UGT1A6: variants seen among roughly 807,000 people sequenced by gnomAD.
UGT1A6 encodes UDP-glucuronosyltransferase 1A6.
UGT1A6 carries 32 observed loss-of-function variants against 44.4 expected under a neutral mutation model. The observed-to-expected ratio is 0.72, with a 90% CI of 0.54 to 0.97. The LOEUF (loss-of-function observed/expected upper bound fraction) is 0.97. UGT1A6 is among the 50% of genes least tolerant of loss of function. The pLI, the probability that UGT1A6 is intolerant of heterozygous loss-of-function variation, is 0.00. For missense variants in UGT1A6, 685 were observed against 661.9 expected, an observed-to-expected ratio of 1.03 and a Z score of -0.38; for synonymous variants, 238 against 248.5, an observed-to-expected ratio of 0.96 and a Z score of 0.40.
chr2:233,754,105 C>T (rs1695394703), intron 1 of UGT1A6, among the ~76,000 whole-genome samples: 1 of 152,196 alleles, frequency 6.6e-6, no homozygotes, highest in South Asian at 2.1e-4. Context: ...TCAACTCTTC[C>T]TACATCACGA....
intron 1 of UGT1A6, among the ~76,000 whole-genome samples, chr2:233,750,910 G>A (rs1371262201): frequency 6.6e-6 from 1 of 151,884 alleles, no homozygotes; most frequent in African/African-American, 2.4e-5. Flanking sequence ...GCTAGAGAAG[G>A]GTGGTAAAGA....
rs563417082 is a variant in UGT1A6, at chr2:233,769,495, G to C, written c.1301+1056G>C. ...TGTGTGTGTGCGTGTGTTTATGAGA[G>C]TGTCCATTGCTTTCTCCCATGGTTA... is the stretch of plus-strand genomic sequence containing the variant. On this transcript the variant is annotated intron_variant, in intron 4 of 4. Transcript: ENST00000305139. The surrounding 1 kb of genome is among the most constrained non-coding windows in gnomAD (Gnocchi z 4.4). 1.4e-5 allele frequency: 23 copies of C among 1,612,758 alleles called. No individual in the cohort carries two copies. The South Asian group carries it at 2.2e-4, about 15-fold the overall frequency.
At position 233,767,086 on chromosome 2, in the gene UGT1A6, C is replaced by A. The variant is rs1169717734; in HGVS notation, c.914C>A (p.Ser305Tyr). 2 of 1,614,008 alleles carry A rather than the reference C, an allele frequency of 1.2e-6. No individual in the cohort carries two copies. Among genetic ancestry groups the A allele is most frequent in the Non-Finnish European group, 1.7e-6 (2 of 1,180,008 alleles). Residue 305 changes from serine (S) to tyrosine (Y), a missense_variant, in exon 2 of 5, where the codon TCT becomes TAT. Coordinates refer to ENST00000305139, the MANE Select transcript of UGT1A6 (RefSeq NM_001072.4). ...ASGEHGIVVF[S>Y]LGSMVSEIPE... ...GGAGAACATGGAATTGTGGTTTTCT[C>A]TTTGGGATCAATGGTCTCAGAAATT...
At chr2:233,751,192 T>A (rs984172323) in intron 1 of UGT1A6, among the ~76,000 whole-genome samples, 4 of 151,858 alleles carry the variant, frequency 2.6e-5, no homozygotes, top group African/African-American at 9.7e-5. Context: ...AAGTTAAAGG[T>A]GATAATTTTG....
intron 1 of UGT1A6, chr2:233,747,117 G>C: frequency 6.9e-7 from 1 of 1,451,680 alleles, no homozygotes; most frequent in Non-Finnish European, 9.3e-7. Flanking sequence ...ATGATGATTT[G>C]CTAAGTGGCT....
At chr2:233,755,161 C>T (rs1553619056) in intron 1 of UGT1A6, 1 of 1,292,236 alleles carries the variant, frequency 7.7e-7, no homozygotes, top group Non-Finnish European at 1.0e-6. Flanking sequence ...TCCCTGTCCT[C>T]GGGGTTTTTG....
intron 1 of UGT1A6, chr2:233,754,945 G>A (rs1342760083): frequency 7.5e-7 from 1 of 1,327,414 alleles, no homozygotes; most frequent in Admixed American, 1.9e-5. Flanking sequence ...AAGGAGAATG[G>A]GTCCCGGCCG....
At chr2:233,729,825 C>A (rs770263678) in intron 1 of UGT1A6, 2 of 1,613,912 alleles carry the variant, frequency 1.2e-6, no homozygotes, top group Non-Finnish European at 1.7e-6. Flanking sequence ...CTTATGCAAG[C>A]CTTGCCTCTG....
At chr2:233,713,195 C>T in intron 1 of UGT1A6, 4 of 1,614,230 alleles carry the variant, frequency 2.5e-6, no homozygotes, top group South Asian at 2.2e-5. Flanking sequence ...TGAATATGTA[C>T]ATCAAAGAAG....
rs371183955 is a variant in UGT1A6, at chr2:233,772,416, C to T, written c.1456C>T (p.His486Tyr). 1.7e-5 allele frequency: 28 copies of T among 1,614,228 alleles called. 1 individual carries two copies. The East Asian group carries it at 2.5e-4, about 14-fold the overall frequency. ...AAHDLTWYQY[H>Y]SLDVIGFLLA... ...CCACGACCTCACCTGGTACCAGTAC[C>T]ATTCCTTGGACGTGATTGGTTTCCT... Residue 486 changes from histidine to tyrosine, a missense_variant, in exon 5 of 5, where the codon CAT becomes TAT. Transcript: ENST00000305139.
chr2:233,770,134 A>T (rs1182793290), intron 4 of UGT1A6: 14 of 152,284 alleles, frequency 9.2e-5, no homozygotes, highest in African/African-American at 3.4e-4. Flanking sequence ...AAAGTCCTCT[A>T]ATACATTATT....
At chr2:233,721,327 T>A (rs1446598744) in intron 1 of UGT1A6, among the ~76,000 whole-genome samples, 1 of 152,156 alleles carries the variant, frequency 6.6e-6, no homozygotes, top group Admixed American at 6.5e-5. Flanking sequence ...TTCTTGTGGT[T>A]TTTCACTATG....
intron 1 of UGT1A6, among the ~76,000 whole-genome samples, chr2:233,705,446 C>G (rs1313066011): frequency 6.6e-6 from 1 of 152,110 alleles, no homozygotes. Flanking sequence ...TTCAGAATTG[C>G]ACATATTTTT....
In UGT1A6 at chr2:233,755,028, C is replaced by T; in HGVS notation, c.862-12006C>T. 4 of 1,311,690 alleles carry T rather than the reference C, an allele frequency of 3.0e-6. 1 individual carries two copies. In the South Asian group the frequency reaches 4.6e-5, roughly 15 times the overall value. 81.3% of individuals were successfully genotyped at this position (1,311,690 alleles called of 1,614,324 possible). On this transcript the variant is annotated intron_variant, in intron 1 of 4. Transcript: ENST00000305139. ...CTACTCGAAGGGGTCCTTGAAGGGC[C>T]TGCCGCCTGCGCAGCCGCCCTCCGC...
At chr2:233,713,841 G>A (rs754082390) in intron 1 of UGT1A6, 101 of 1,614,008 alleles carry the variant, frequency 6.3e-5, no homozygotes, top group East Asian at 1.1e-4. Flanking sequence ...CTGTGCCAAC[G>A]GGAAGCCACT....
chr2:233,713,742 C>T lies in UGT1A6; in HGVS notation c.861+19877C>T, dbSNP rs138898755. 43 of 1,613,022 alleles carry T rather than the reference C, an allele frequency of 2.7e-5. No individual in the cohort carries two copies. The Middle Eastern group carries it at 5.0e-4, about 19-fold the overall frequency. On this transcript the variant is annotated intron_variant, in intron 1 of 4. Transcript: ENST00000305139. ...GGTGTCAGTGGTGGATCTTGTCAGC[C>T]ATGCATCTGTGTGGCTGTTCCGAGG...
At chr2:233,711,745 G>A (rs991588620) in intron 1 of UGT1A6, among the ~76,000 whole-genome samples, 1 of 152,212 alleles carries the variant, frequency 6.6e-6, no homozygotes, top group Non-Finnish European at 1.5e-5. Flanking sequence ...GACACGGCCA[G>A]GCATGTAGAC....
chr2:233,754,215 T>A (rs1387155236), intron 1 of UGT1A6: 1 of 166,766 alleles, frequency 6.0e-6, no homozygotes, highest in Non-Finnish European at 1.3e-5. Flanking sequence ...GTCAAATGAT[T>A]TAGAGCAAAC....
intron 1 of UGT1A6, among the ~76,000 whole-genome samples, chr2:233,707,217 C>T (rs1226493967): frequency 6.6e-6 from 1 of 152,140 alleles, no homozygotes; most frequent in African/African-American, 2.4e-5. Flanking sequence ...CATCTTTTCT[C>T]TGACTTTTGT....
Sources: gnomAD v4.1 joint callset for allele counts (sites outside exome capture counted in the v4.1 genomes callset) on GRCh38, gnomAD v4.1.1 for gene constraint, Gnocchi (gnomAD v3.1) non-coding constraint, MANE v1.5 for transcripts, NCBI Gene and HGNC (gene_info 2026-07-23, HGNC 2026-07-21) for gene names.